The following ZC3H13 variants were observed in gnomAD, a reference collection of about 807,000 sequenced individuals.
ZC3H13 encodes the protein zinc finger CCCH domain-containing protein 13.
ZC3H13 carries 64 observed loss-of-function variants against 204.1 expected under a neutral mutation model. The ratio of observed to expected loss-of-function variants is 0.31; its 90% CI spans 0.26 to 0.39. ZC3H13 has a LOEUF of 0.39. Ranked by LOEUF, ZC3H13 falls within the 10% of genes least tolerant of loss-of-function variation. The probability of loss-of-function intolerance (pLI) is 1.00; values close to 1 mark genes in which losing one functional copy is unlikely to be tolerated. For missense variants in ZC3H13, 1,833 were observed against 2,082.7 expected (o/e 0.88, Z 2.33); for synonymous variants, 667 against 693.7 (o/e 0.96, Z 0.60).
chr13:45,973,452 T>C (rs1393643519), intron 12 of ZC3H13, among the ~76,000 whole-genome samples: 1 of 152,332 alleles, frequency 6.6e-6, no homozygotes, highest in East Asian at 1.9e-4. Flanking sequence ...AGAAAAACTT[T>C]TGCTATTATA....
intron 5 of ZC3H13, among the ~76,000 whole-genome samples, chr13:46,012,412 T>G (rs2041625613): frequency 6.6e-6 from 1 of 152,136 alleles, no homozygotes; most frequent in South Asian, 2.1e-4. Flanking sequence ...CAAGATATAC[T>G]TCTAGCACTT....
chr13:45,997,671 G>A (rs1466565809), intron 8 of ZC3H13, among the ~76,000 whole-genome samples: 2 of 152,090 alleles, frequency 1.3e-5, no homozygotes, highest in African/African-American at 4.8e-5. Context: ...CAGCTAGAAG[G>A]ATTTAAAGTC....
At position 45,967,734 on chromosome 13, in the gene ZC3H13, G is replaced by A; in HGVS notation, c.4091C>T (p.Ser1364Phe). The A allele has an allele frequency of 6.2e-7, 1 of 1,613,460 alleles. No homozygotes were observed. The highest frequency in any genetic ancestry group is 1.3e-5 in the African/African-American group (1 of 75,008). ...GTCCCTGTCCCTTTCAACAGAATCA[G>A]AAATTAGTCTCTCTCTTTCCCTATC... ...DLDRERERLI[S>F]DSVERDRDRD... is the part of the protein sequence containing the mutation. The change falls in exon 15 of 19, where the codon TCT becomes TTT. Residue 1364 changes from serine to phenylalanine, a missense_variant. By Grantham distance (155) the Ser-to-Phe change is radical. Around this residue, in one of 5 missense-constraint regions of ZC3H13, gnomAD observed 1,574 missense variants for 1,757.2 expected, o/e 0.90. Transcript: ENST00000679008.
intron 4 of ZC3H13, among the ~76,000 whole-genome samples, chr13:46,041,287 G>A (rs904241705): frequency 3.3e-5 from 5 of 151,966 alleles, no homozygotes; most frequent in African/African-American, 1.2e-4. Flanking sequence ...ACTCTTTCAC[G>A]AACCTTGAAA....
intron 4 of ZC3H13, among the ~76,000 whole-genome samples, chr13:46,027,528 A>G (rs1278659631): frequency 6.6e-6 from 1 of 152,258 alleles, no homozygotes; most frequent in East Asian, 1.9e-4. Context: ...AACAGAACCA[A>G]AAGTCTACAT....
chr13:46,047,549 T>C (rs1379649554), intron 1 of ZC3H13, among the ~76,000 whole-genome samples: 1 of 152,176 alleles, frequency 6.6e-6, no homozygotes, highest in Non-Finnish European at 1.5e-5. Flanking sequence ...AATGTGAACA[T>C]ACGGAGGAGA....
Position 45,970,396 on chromosome 13 carries a change from C to A in ZC3H13, c.2538G>T (p.Pro846=). The change falls in exon 13 of 19, where the codon CCG becomes CCT. Residue 846 remains proline, a synonymous_variant. Transcript: ENST00000679008. Reference sequence around the variant, plus strand: ...CTCCACTGTTGTAGGCATCACTGTCCGGAGAATGTTCACGCCGGCGCTTCG... The same window carrying A: ...CTCCACTGTTGTAGGCATCACTGTCAGGAGAATGTTCACGCCGGCGCTTCG... ...QSPKRRREHS[P]DSDAYNSGDD... is the part of the protein sequence containing the mutation. The A allele has an allele frequency of 6.2e-7, 1 of 1,613,840 alleles. No homozygotes were observed. The highest frequency in any genetic ancestry group is 8.5e-7 in the Non-Finnish European group (1 of 1,179,836).
chr13:46,032,018 C>G (rs1318582694), intron 4 of ZC3H13, among the ~76,000 whole-genome samples: 1 of 152,110 alleles, frequency 6.6e-6, no homozygotes, highest in Non-Finnish European at 1.5e-5. Flanking sequence ...TGGAAGCAAC[C>G]AACATGTCCT....
chr13:45,971,602 G>A (rs1001295803), intron 12 of ZC3H13, among the ~76,000 whole-genome samples: 3 of 152,134 alleles, frequency 2.0e-5, no homozygotes. Context: ...ACTGGCCTAG[G>A]CAAAGACTTC....
In ZC3H13 at chr13:45,975,709, C is replaced by G; in HGVS notation, c.2042G>C (p.Arg681Pro). 6.2e-7 allele frequency: 1 copy of G among 1,613,684 alleles called. No homozygotes were observed. Among genetic ancestry groups the G allele is most frequent in the South Asian group, 1.1e-5 (1 of 91,020 alleles). The change falls in exon 12 of 19, where the codon CGG becomes CCG. Residue 681 changes from arginine to proline, a missense_variant. By Grantham distance (103) the Arg-to-Pro change is moderately radical. Coordinates refer to ENST00000679008, the MANE Select transcript of ZC3H13 (RefSeq NM_001330564.2). ...RRDERARERDRERERDRERER... is the reference protein window; with the variant it reads ...RRDERARERDPERERDRERER... ...CCGCTCCCTGTCTCGTTCTCGTTCC[C>G]GATCTCTCTCTCTAGCCCTTTCATC...
chr13:45,959,534 C>T lies in ZC3H13; in HGVS notation c.4788G>A (p.Leu1596=). The stretch of plus-strand genomic sequence containing the variant: ...GAATTGCAGAATCCCGTCTGAAGCA[C>T]AACGCCTTACAACATGGGCCAAGAT... The part of the protein sequence containing the change: ...LSNLGPCCKA[L]CFRRDSAIRK... The change falls in exon 18 of 19, where the codon TTG becomes TTA. Residue 1596 remains leucine, a synonymous_variant. Transcript: ENST00000679008. 6.5e-7 allele frequency: 1 copy of T among 1,548,178 alleles called. No individual in the cohort carries two copies. The highest frequency in any genetic ancestry group is 8.7e-7 in the Non-Finnish European group (1 of 1,146,018).
intron 8 of ZC3H13, among the ~76,000 whole-genome samples, chr13:45,997,508 T>A (rs1342119491): frequency 6.6e-6 from 1 of 152,192 alleles, no homozygotes; most frequent in Non-Finnish European, 1.5e-5. Flanking sequence ...TGTAGACCCC[T>A]AAAATCCACC....
intron 12 of ZC3H13, among the ~76,000 whole-genome samples, chr13:45,973,070 T>C (rs574205762): frequency 1.3e-5 from 2 of 152,352 alleles, no homozygotes; most frequent in East Asian, 3.9e-4. Context: ...CAGGCAAAAC[T>C]GCCAATCCAC....
chr13:45,980,246 AAAT>A (rs1212357218), intron 10 of ZC3H13, among the ~76,000 whole-genome samples: 6 of 152,184 alleles, frequency 3.9e-5, no homozygotes, highest in Non-Finnish European at 8.8e-5. Context: ...TAAAATCATA[AAAT>A]AATAAGATTC....
intron 7 of ZC3H13, among the ~76,000 whole-genome samples, chr13:46,003,805 T>C (rs1315116186): frequency 2.6e-5 from 4 of 152,184 alleles, no homozygotes; most frequent in Non-Finnish European, 5.9e-5. Flanking sequence ...TGCAAAAGAA[T>C]GAAGCTGGAC....
chr13:46,051,372 T>C (rs867631496), intron 1 of ZC3H13, among the ~76,000 whole-genome samples: 1 of 152,326 alleles, frequency 6.6e-6, no homozygotes. Context: ...AAAGCCGCAA[T>C]TGTTACAAGC....
At chr13:46,008,654 A>G (rs1029875489) in intron 7 of ZC3H13, among the ~76,000 whole-genome samples, 1 of 152,190 alleles carries the variant, frequency 6.6e-6, no homozygotes, top group Non-Finnish European at 1.5e-5. Flanking sequence ...ACAAGGAAGA[A>G]AGGGTATTTC....
At chr13:45,961,199 G>A (rs1421301451) in intron 17 of ZC3H13, among the ~76,000 whole-genome samples, 2 of 152,010 alleles carry the variant, frequency 1.3e-5, no homozygotes, top group Non-Finnish European at 2.9e-5. Flanking sequence ...ATATGCACAT[G>A]ATTAAAAACA....
chr13:45,980,712 A>T (rs1953501338), intron 10 of ZC3H13, among the ~76,000 whole-genome samples: 2 of 152,212 alleles, frequency 1.3e-5, no homozygotes, highest in Non-Finnish European at 2.9e-5. Flanking sequence ...AGACAATTAC[A>T]AAACAAGGGA....
Sources: allele counts gnomAD v4.1 joint callset (sites outside exome capture counted in the v4.1 genomes callset), GRCh38; gene constraint gnomAD v4.1.1; regional missense constraint gnomAD v4.1.1; transcripts MANE v1.5; gene names NCBI Gene and HGNC (gene_info 2026-07-23, HGNC 2026-07-21).